Variants in CCDC88A observed in about 807,000 individuals in gnomAD.
CCDC88A encodes girdin.
In CCDC88A, 54 loss-of-function variants were observed where a neutral mutation model predicts 234.3. The ratio of observed to expected loss-of-function variants is 0.23; its 90% CI spans 0.19 to 0.29. The LOEUF is 0.29. Among genes scored for constraint, CCDC88A ranks in the 10% least tolerant of loss-of-function variants. CCDC88A has a pLI of 1.00. For synonymous variants in CCDC88A, 753 were observed against 737.8 expected, an observed-to-expected ratio of 1.02 and a Z score of -0.33; for missense variants, 1,832 against 2,123.4, an observed-to-expected ratio of 0.86 and a Z score of 2.70.
intron 28 of CCDC88A, chr2:55,300,934 T>C (rs1457396231): frequency 3.2e-6 from 1 of 310,238 alleles, no homozygotes. Flanking sequence ...TTTAATCTTA[T>C]ACAAAAATGG....
At chr2:55,333,111 T>C (rs953077315) in intron 15 of CCDC88A, among the ~76,000 whole-genome samples, 3 of 152,184 alleles carry the variant, frequency 2.0e-5, no homozygotes, top group African/African-American at 4.8e-5. Flanking sequence ...TCTGAAGAAC[T>C]AGAGGATGTT....
chr2:55,301,799 C>A, intron 27 of CCDC88A, 73 bp downstream of exon 27: 1 of 1,301,596 alleles, frequency 7.7e-7, no homozygotes, highest in Non-Finnish European at 1.1e-6. Flanking sequence ...TTAAAAAGTA[C>A]ACAGGGAAAA....
At chr2:55,400,400 A>G (rs1678406520) in intron 2 of CCDC88A, among the ~76,000 whole-genome samples, 1 of 152,250 alleles carries the variant, frequency 6.6e-6, no homozygotes, top group Admixed American at 6.5e-5. Context: ...AAAATGCTTT[A>G]GTGACAAATA....
chr2:55,393,298 T>G (rs1676977903), intron 2 of CCDC88A, among the ~76,000 whole-genome samples: 1 of 129,586 alleles, frequency 7.7e-6, no homozygotes, highest in East Asian at 2.1e-4. Context: ...GGTTTTTTTT[T>G]TTTTTTTTTT....
intron 7 of CCDC88A, 37 bp from the exon 8 acceptor site, chr2:55,355,788 A>G (rs758634357): frequency 1.9e-6 from 3 of 1,539,924 alleles, no homozygotes; most frequent in East Asian, 2.3e-5. Context: ...AGTATTCTAC[A>G]TATTAGCAAA....
At position 55,291,167 on chromosome 2, in the gene CCDC88A, GTATT is replaced by G. The variant is rs1679412758; in HGVS notation, c.*36-7_*36-4del. Reference sequence around the variant, plus strand: ...GAAACTGAAGGACACTTTTCTCTCTGTATTTAGTTGGAAGGTAGAAAGAAGAAAG... The same window carrying G: ...GAAACTGAAGGACACTTTTCTCTCTGTAGTTGGAAGGTAGAAAGAAGAAAG... On this transcript the variant is annotated splice_region_variant and splice_polypyrimidine_tract_variant and intron_variant, in intron 32 of 32. Coordinates refer to ENST00000436346, the MANE Select transcript of CCDC88A (RefSeq NM_001365480.1). 2 of 152,476 alleles carry G rather than the reference GTATT, an allele frequency of 1.3e-5. No homozygotes were observed. The highest frequency in any genetic ancestry group is 1.3e-4 in the Admixed American group (2 of 15,264). The allele number at this position is 152,476 out of a possible 1,614,324, so 9.4% of individuals were successfully genotyped here.
chr2:55,342,783 A>T (rs1668670323), intron 12 of CCDC88A, among the ~76,000 whole-genome samples: 2 of 152,138 alleles, frequency 1.3e-5, no homozygotes, highest in South Asian at 4.1e-4. Context: ...TAAGCACTGG[A>T]TTATAAAATC....
intron 5 of CCDC88A, among the ~76,000 whole-genome samples, chr2:55,369,856 T>C (rs1426093178): frequency 6.6e-6 from 1 of 152,190 alleles, no homozygotes; most frequent in East Asian, 1.9e-4. Flanking sequence ...CCAATGTATA[T>C]TACATTACGG....
rs1294063198 is a variant in CCDC88A, at chr2:55,289,604, G to A, written c.*1596C>T. 6.6e-6 allele frequency: 1 copy of A among 152,146 alleles called. No individual in the cohort carries two copies. The highest frequency in any genetic ancestry group is 1.5e-5 in the Non-Finnish European group (1 of 68,008). 9.4% of individuals were successfully genotyped at this position (152,146 alleles called of 1,614,324 possible). A position where few individuals can be genotyped will look rare whatever the true frequency, so the allele number is the denominator to read the frequency against. On this transcript the variant is annotated 3_prime_UTR_variant, in exon 33 of 33. Coordinates refer to ENST00000436346, the MANE Select transcript of CCDC88A (RefSeq NM_001365480.1). ...TGATTTAACGTTAACAGCATTTGGT[G>A]GTAAAACCTAAGTTACCGGTGGCAT...
At chr2:55,339,826 TTTTC>T (rs1668259305) in intron 12 of CCDC88A, 178 bp from the exon 13 acceptor site, 2 of 490,006 alleles carry the variant, frequency 4.1e-6, no homozygotes, top group Non-Finnish European at 6.8e-6. Flanking sequence ...TTTTTTTTCC[TTTTC>T]TTTTTTTCTT....
intron 2 of CCDC88A, among the ~76,000 whole-genome samples, chr2:55,398,474 T>C (rs1332505935): frequency 6.6e-6 from 1 of 152,180 alleles, no homozygotes; most frequent in East Asian, 1.9e-4. Flanking sequence ...ATTATAAGGC[T>C]TGAGTTTCCC....
At chr2:55,384,541 G>GTATA (rs1376061755) in intron 3 of CCDC88A, among the ~76,000 whole-genome samples, 2 of 29,512 alleles carry the variant, frequency 6.8e-5, no homozygotes, top group Non-Finnish European at 1.3e-4. Context: ...ACATATATAC[G>GTATA]TATATATGTG....
At chr2:55,336,037 T>A (rs962745592) in intron 14 of CCDC88A, among the ~76,000 whole-genome samples, 19 of 145,816 alleles carry the variant, frequency 1.3e-4, no homozygotes, top group Non-Finnish European at 2.7e-4. Flanking sequence ...TACCAAAAAA[T>A]AAAAAAAAAA....
chr2:55,367,647 T>C (rs1189171184), intron 5 of CCDC88A, among the ~76,000 whole-genome samples: 2 of 151,390 alleles, frequency 1.3e-5, no homozygotes, highest in African/African-American at 4.9e-5. Context: ...TCCTCCCAAG[T>C]AGCTGAGACT....
chr2:55,355,633 A>C lies in CCDC88A; in HGVS notation c.746T>G (p.Leu249Arg), dbSNP rs765696691. The C allele has an allele frequency of 6.2e-7, 1 of 1,614,168 alleles. No individual in the cohort carries two copies. The highest frequency in any genetic ancestry group is 2.2e-5 in the East Asian group (1 of 44,884). The change falls in exon 8 of 33, where the codon CTG becomes CGG. Residue 249 changes from leucine (L) to arginine (R), a missense_variant. Physicochemically the swap from Leu to Arg is moderately radical, Grantham distance 102. Coordinates refer to ENST00000436346, the MANE Select transcript of CCDC88A (RefSeq NM_001365480.1). ...GMKRTESRQHLSVELADAKAK... is the reference protein window; with the variant it reads ...GMKRTESRQHRSVELADAKAK... ...TTTAGCATCTGCCAGTTCCACCGACAGATGTTGTCGACTTTCTGTTCGCTT... is the reference window on the plus strand; with the variant it reads ...TTTAGCATCTGCCAGTTCCACCGACCGATGTTGTCGACTTTCTGTTCGCTT...
chr2:55,416,121 C>G (rs1253488470), intron 2 of CCDC88A, among the ~76,000 whole-genome samples: 5 of 151,792 alleles, frequency 3.3e-5, no homozygotes, highest in African/African-American at 1.2e-4. Context: ...CCAATTATAA[C>G]TGTATTCCAT....
rs2104626368 is a variant in CCDC88A, at chr2:55,317,853, T to C, written c.3325-12A>G. ...GTGGAATTTTCAACCTATAAGAATA[T>C]ATATTGTTATCAGACATAAGAAAAA... On this transcript the variant is annotated splice_polypyrimidine_tract_variant and intron_variant, in intron 19 of 32. Coordinates refer to ENST00000436346, the MANE Select transcript of CCDC88A (RefSeq NM_001365480.1). The surrounding 1 kb of genome is among the most constrained non-coding windows in gnomAD (Gnocchi z 4.2). 2 of 1,543,336 alleles carry C rather than the reference T, an allele frequency of 1.3e-6. No individual in the cohort carries two copies. Among genetic ancestry groups the C allele is most frequent in the South Asian group, 2.4e-5 (2 of 82,868 alleles).
chr2:55,318,842 C>T lies in CCDC88A; in HGVS notation c.3324+1G>A. ...ATATTCCCAAAATATTATATTACAA[C>T]CTGAAGCTTGGCATTCTGTGTTTGA... On this transcript the variant is annotated splice_donor_variant, in intron 19 of 32. Coordinates refer to ENST00000436346, the MANE Select transcript of CCDC88A (RefSeq NM_001365480.1). LOFTEE classifies it high-confidence loss of function. 2 of 1,588,122 alleles carry T rather than the reference C, an allele frequency of 1.3e-6. No individual in the cohort carries two copies. The highest frequency in any genetic ancestry group is 1.7e-6 in the Non-Finnish European group (2 of 1,163,742).
chr2:55,410,804 G>A (rs1022827713), intron 2 of CCDC88A, among the ~76,000 whole-genome samples: 3 of 151,842 alleles, frequency 2.0e-5, no homozygotes, highest in African/African-American at 7.3e-5. Flanking sequence ...GAGGTGAGAG[G>A]ATCGTTTGAG....
Sources: gnomAD v4.1 joint callset for allele counts (sites outside exome capture counted in the v4.1 genomes callset) on GRCh38, gnomAD v4.1.1 for gene constraint, Gnocchi (gnomAD v3.1) non-coding constraint, MANE v1.5 for transcripts, NCBI Gene and HGNC (gene_info 2026-07-23, HGNC 2026-07-21) for gene names.